The following KRT2 variants were observed in gnomAD, a reference collection of about 807,000 sequenced individuals.
The protein encoded by KRT2 is keratin, type II cytoskeletal 2 epidermal.
Under a neutral mutation model 48.5 loss-of-function variants are expected in KRT2, and 37 were observed. The ratio of observed to expected loss-of-function variants is 0.76; its 90% CI spans 0.59 to 1.00. The LOEUF (loss-of-function observed/expected upper bound fraction) is 1.00. Among genes scored for constraint, KRT2 ranks in the 50% least tolerant of loss-of-function variants. The pLI is 0.00. For missense variants in KRT2, 880 were observed against 815.2 expected (o/e 1.08, Z -0.97); for synonymous variants, 324 against 312.2 (o/e 1.04, Z -0.40).
At position 52,650,344 on chromosome 12, in the gene KRT2, C is replaced by T. The variant is rs1360850402; in HGVS notation, c.795G>A (p.Lys265=). 2 of 1,613,664 alleles carry T rather than the reference C, an allele frequency of 1.2e-6. No homozygotes were observed. Among genetic ancestry groups the T allele is most frequent in the Non-Finnish European group, 1.7e-6 (2 of 1,179,640 alleles). The part of the protein sequence containing the change: ...NNMQDLVEDY[K]KKYEDEINKR... ...CGTTTCACTCTGCCACCTACTTCTTCTTATAATCCTCCACAAGATCCTGCA... is the reference window on the plus strand; with the variant it reads ...CGTTTCACTCTGCCACCTACTTCTTTTTATAATCCTCCACAAGATCCTGCA... Residue 265 remains lysine, a synonymous_variant, in exon 2 of 9, where the codon AAG becomes AAA. Transcript: ENST00000309680.
At chr12:52,651,001 T>C (rs1436063084) in intron 1 of KRT2, among the ~76,000 whole-genome samples, 1 of 152,196 alleles carries the variant, frequency 6.6e-6, no homozygotes, top group Non-Finnish European at 1.5e-5. Flanking sequence ...TCCCTGCCTA[T>C]TTCAAGGCAG....
chr12:52,651,341 T>C (rs751375252), intron 1 of KRT2, among the ~76,000 whole-genome samples: 6 of 152,200 alleles, frequency 3.9e-5, no homozygotes, highest in Non-Finnish European at 7.3e-5. Flanking sequence ...ACTGTAACAA[T>C]AAGGTCAAAG....
chr12:52,649,762 T>C (rs1941220720), intron 3 of KRT2, 152 bp downstream of exon 3: 6 of 706,064 alleles, frequency 8.5e-6, no homozygotes, highest in Non-Finnish European at 1.5e-5. Flanking sequence ...ACAGAGACAA[T>C]TTTGTTTGCA....
At chr12:52,650,780 T>TGCTGCTTC (rs1324413552) in intron 1 of KRT2, 5 of 586,852 alleles carry the variant, frequency 8.5e-6, no homozygotes, top group Admixed American at 8.0e-5. Flanking sequence ...GGAGACTCTT[T>TGCTGCTTC]GCTGCTTCAC....
chr12:52,646,607 A>G, intron 7 of KRT2, 133 bp downstream of exon 7: 1 of 920,938 alleles, frequency 1.1e-6, no homozygotes, highest in Non-Finnish European at 1.7e-6. Context: ...TGGGGAACAC[A>G]GAGAATGTCA....
rs148690031 is a variant in KRT2, at chr12:52,650,019, A to AT, written c.801-46dup. ...ACAGCAGTTAGATTAGTTCCCCTTC[A>AT]TTTTTTTTCTTTTCCTTTTATACTG... is the stretch of plus-strand genomic sequence containing the variant. On this transcript the variant is annotated intron_variant, in intron 2 of 8. Transcript: ENST00000309680. 92 of 1,458,502 alleles carry AT rather than the reference A, an allele frequency of 6.3e-5. 1 individual carries two copies. The highest frequency in any genetic ancestry group is 7.4e-5 in the Non-Finnish European group (77 of 1,038,452). 90.3% of individuals were successfully genotyped at this position (1,458,502 alleles called of 1,614,324 possible).
chr12:52,644,632 T>C lies in KRT2; in HGVS notation c.*387A>G, dbSNP rs752736267. On this transcript the variant is annotated 3_prime_UTR_variant, in exon 9 of 9. Transcript: ENST00000309680. ...CGAAAGCAGAGTGGACAAGAGGAGCTATATACACAGAAACACATTTCCCCC... is the reference window on the plus strand; with the variant it reads ...CGAAAGCAGAGTGGACAAGAGGAGCCATATACACAGAAACACATTTCCCCC... 11 of 301,954 alleles carry C rather than the reference T, an allele frequency of 3.6e-5. No homozygotes were observed. The highest frequency in any genetic ancestry group is 6.5e-5 in the African/African-American group (3 of 46,278). 18.7% of individuals were successfully genotyped at this position (301,954 alleles called of 1,614,324 possible). A position where few individuals can be genotyped will look rare whatever the true frequency, so the allele number is the denominator to read the frequency against.
rs532474326 is a variant in KRT2, at chr12:52,651,804, G to A, written c.339C>T (p.Phe113=). ...GGCCTCCACCAAAGCCGCCTCCACC[G>A]AAACCACCACCACTGAAGCCGCTGC... ...GGGSGFSGGG[F]GGGGFGGGRF... Residue 113 remains phenylalanine (F), a synonymous_variant, in exon 1 of 9, where the codon TTC becomes TTT. Transcript: ENST00000309680. 57 of 1,605,634 alleles carry A rather than the reference G, an allele frequency of 3.6e-5. No homozygotes were observed. The highest frequency in any genetic ancestry group is 1.6e-4 in the East Asian group (7 of 44,162).
Position 52,648,865 on chromosome 12 carries a change from C to T in KRT2, c.957+142G>A. 6 of 696,080 alleles carry T rather than the reference C, an allele frequency of 8.6e-6. No individual in the cohort carries two copies. In the South Asian group the frequency reaches 9.0e-5, roughly 10 times the overall value. The allele number at this position is 696,080 out of a possible 1,614,324, so 43.1% of individuals were successfully genotyped here. On this transcript the variant is annotated intron_variant, in intron 4 of 8. Coordinates refer to ENST00000309680, the MANE Select transcript of KRT2 (RefSeq NM_000423.3). The stretch of plus-strand genomic sequence containing the variant: ...CCACAAGACCTATGCTATGAAAGCC[C>T]CCCCAGTGGCCTGGAATGATGGCAG...
chr12:52,644,947 C>T lies in KRT2; in HGVS notation c.*72G>A. 2 of 1,555,336 alleles carry T rather than the reference C, an allele frequency of 1.3e-6. No individual in the cohort carries two copies. Among genetic ancestry groups the T allele is most frequent in the South Asian group, 1.1e-5 (1 of 89,296 alleles). ...TTTAACTTGCTGCCAGTTAGAGGTA[C>T]AGAGACAGGCTTCTACATTCTGGAG... On this transcript the variant is annotated 3_prime_UTR_variant, in exon 9 of 9. Coordinates refer to ENST00000309680, the MANE Select transcript of KRT2 (RefSeq NM_000423.3).
chr12:52,647,016 A>G, intron 6 of KRT2, 56 bp from the exon 7 acceptor site: 1 of 1,526,054 alleles, frequency 6.6e-7, no homozygotes, highest in East Asian at 2.2e-5. Context: ...CAGAGAGCAG[A>G]GGTGTTCGAA....
chr12:52,644,814 A>G lies in KRT2; in HGVS notation c.*205T>C. The G allele has an allele frequency of 8.0e-6, 5 of 625,048 alleles. No homozygotes were observed. Among genetic ancestry groups the G allele is most frequent in the Non-Finnish European group, 1.4e-5 (5 of 359,930 alleles). 38.7% of individuals were successfully genotyped at this position (625,048 alleles called of 1,614,324 possible). ...GACAGCACAGATTCCGCCCCAGAAC[A>G]CAGAGGCGTCACTGGCTCTAACTAA... On this transcript the variant is annotated 3_prime_UTR_variant, in exon 9 of 9. Transcript: ENST00000309680.
chr12:52,651,632 T>A lies in KRT2; in HGVS notation c.511A>T (p.Ile171Phe), dbSNP rs1291428046. 6.2e-7 allele frequency: 1 copy of A among 1,614,052 alleles called. No homozygotes were observed. The highest frequency in any genetic ancestry group is 8.5e-7 in the Non-Finnish European group (1 of 1,180,016). The change falls in exon 1 of 9, where the codon ATC becomes TTC. Residue 171 changes from isoleucine (I) to phenylalanine (F), a missense_variant. Ile to Phe is a conservative substitution (Grantham distance 21). Coordinates refer to ENST00000309680, the MANE Select transcript of KRT2 (RefSeq NM_000423.3). ...QPLNVKVDPE[I>F]QNVKAQEREQ... ...CGCTCTTGGGCCTTCACATTCTGGA[T>A]CTCTGGGTCAACTTTCACGTTGAGA...
intron 1 of KRT2, 89 bp from the exon 2 acceptor site, chr12:52,650,642 T>A: frequency 1.9e-6 from 2 of 1,051,180 alleles, no homozygotes; most frequent in Non-Finnish European, 3.0e-6. Context: ...CAGGTGCTGC[T>A]TCAGGACCTC....
At chr12:52,646,575 C>T (rs1770460650) in intron 7 of KRT2, among the ~76,000 whole-genome samples, 165 bp downstream of exon 7, 1 of 152,204 alleles carries the variant, frequency 6.6e-6, no homozygotes, top group African/African-American at 2.4e-5. Flanking sequence ...TCCAATCATG[C>T]TTTATGTCCT....
In KRT2 at chr12:52,647,981, G is replaced by C; in HGVS notation, c.1123-126C>G. 3.8e-6 allele frequency: 5 copies of C among 1,312,498 alleles called. No individual in the cohort carries two copies. In the Admixed American group the frequency reaches 9.0e-5, roughly 24 times the overall value. 81.3% of individuals were successfully genotyped at this position (1,312,498 alleles called of 1,614,324 possible). ...GTCAACCCAGCTAAATGTCATGGCT[G>C]CATTCATGAGAGGTAGGGACTGTCT... On this transcript the variant is annotated intron_variant, in intron 5 of 8. Coordinates refer to ENST00000309680, the MANE Select transcript of KRT2 (RefSeq NM_000423.3).
chr12:52,648,158 A>G lies in KRT2; in HGVS notation c.1122+15T>C. On this transcript the variant is annotated intron_variant, in intron 5 of 8. Coordinates refer to ENST00000309680, the MANE Select transcript of KRT2 (RefSeq NM_000423.3). ...GGCAGGGAGCTGTGGCTCTTCCTAC[A>G]TTCCCTCTACTTGCCTTGCTGTGGT... 3 of 1,613,936 alleles carry G rather than the reference A, an allele frequency of 1.9e-6. No individual in the cohort carries two copies. The highest frequency in any genetic ancestry group is 2.5e-6 in the Non-Finnish European group (3 of 1,179,806).
chr12:52,645,267 T>C lies in KRT2; in HGVS notation c.1672A>G (p.Ile558Val), dbSNP rs1941146457. ...SRGGSGGGGSISGGGYGSGGG... is the reference protein window; with the variant it reads ...SRGGSGGGGSVSGGGYGSGGG... The stretch of plus-strand genomic sequence containing the variant: ...CCAGAGCCATATCCTCCTCCAGAGA[T>C]AGAACCTCCTCCTCCACTACCGCCT... The change falls in exon 9 of 9, where the codon ATC becomes GTC. Residue 558 changes from isoleucine to valine, a missense_variant. Physicochemically the swap from Ile to Val is conservative, Grantham distance 29. Transcript: ENST00000309680. 2 of 1,613,874 alleles carry C rather than the reference T, an allele frequency of 1.2e-6. No individual in the cohort carries two copies.
Position 52,644,628 on chromosome 12 carries a change from G to A in KRT2, c.*391C>T, listed in dbSNP as rs181884680. 1.8e-5 allele frequency: 5 copies of A among 274,130 alleles called. No homozygotes were observed. In the East Asian group the frequency reaches 4.6e-4, roughly 25 times the overall value. The allele number at this position is 274,130 out of a possible 1,614,324, so 17.0% of individuals were successfully genotyped here. A position where few individuals can be genotyped will look rare whatever the true frequency, so the allele number is the denominator to read the frequency against. On this transcript the variant is annotated 3_prime_UTR_variant, in exon 9 of 9. Transcript: ENST00000309680. ...CTTCCGAAAGCAGAGTGGACAAGAG[G>A]AGCTATATACACAGAAACACATTTC...
Sources: gnomAD v4.1 joint callset for allele counts (sites outside exome capture counted in the v4.1 genomes callset) on GRCh38, gnomAD v4.1.1 for gene constraint, MANE v1.5 for transcripts, NCBI Gene and HGNC (gene_info 2026-07-23, HGNC 2026-07-21) for gene names.